Variants in HNF1B observed in about 807,000 individuals in gnomAD.
HNF1B encodes HNF1 homeobox B.
Under a neutral mutation model 61.7 loss-of-function variants are expected in HNF1B, and 8 were observed. The observed-to-expected ratio is 0.13, with a 90% CI of 0.08 to 0.23. The LOEUF is 0.23. Ranked by LOEUF, HNF1B falls within the 10% of genes least tolerant of loss-of-function variation. The pLI is 1.00. For missense variants in HNF1B, 562 were observed against 714.5 expected (o/e 0.79, Z 2.43); for synonymous variants, 314 against 287.7 (o/e 1.09, Z -0.93).
At chr17:37,730,715 G>A in intron 4 of HNF1B, 1 of 152,292 alleles carries the variant, frequency 6.6e-6, no homozygotes, top group Non-Finnish European at 1.5e-5. Context: ...CCTTTCGCAA[G>A]CCCTTTTCTT....
chr17:37,734,088 A>G (rs1443802309), intron 2 of HNF1B, among the ~76,000 whole-genome samples: 1 of 151,972 alleles, frequency 6.6e-6, no homozygotes, highest in African/African-American at 2.4e-5. Context: ...GAAAATTATT[A>G]TTTTTTCCCC....
intron 8 of HNF1B, 22 bp downstream of exon 8, chr17:37,699,054 C>T: frequency 1.3e-6 from 2 of 1,567,140 alleles, no homozygotes; most frequent in Non-Finnish European, 1.8e-6. Flanking sequence ...ACCCCAACCC[C>T]CGCAAATCCT....
At chr17:37,699,052 C>A (rs777113049) in intron 8 of HNF1B, 24 bp downstream of exon 8, 3 of 1,551,190 alleles carry the variant, frequency 1.9e-6, no homozygotes, top group South Asian at 2.2e-5. Context: ...ACACCCCAAC[C>A]CCCGCAAATC....
intron 4 of HNF1B, among the ~76,000 whole-genome samples, chr17:37,720,068 G>C (rs1467593761): frequency 1.3e-5 from 2 of 152,112 alleles, no homozygotes; most frequent in African/African-American, 4.8e-5. Flanking sequence ...CCAGGTGTTG[G>C]GCACTGAGAT....
chr17:37,714,505 T>C (rs3110631), intron 4 of HNF1B, among the ~76,000 whole-genome samples: 17,408 of 152,268 alleles, frequency 0.11, 1,277 homozygotes, highest in Non-Finnish European at 0.16. Flanking sequence ...ATTCACCTTC[T>C]ACTTACTTCC....
At position 37,710,477 on chromosome 17, in the gene HNF1B, AGCGACAATG is replaced by A. The variant is rs1265610665; in HGVS notation, c.1206+17_1206+25del. 6.2e-7 allele frequency: 1 copy of A among 1,613,888 alleles called. No homozygotes were observed. The highest frequency in any genetic ancestry group is 1.1e-5 in the South Asian group (1 of 91,084). ...TTGCCTCTTATCTTATCAGCTCCAG[AGCGACAATG>A]GCCCAGGTGTACTCACCATTTTACC... is the stretch of plus-strand genomic sequence containing the variant. On this transcript the variant is annotated intron_variant, in intron 5 of 8. Coordinates refer to ENST00000617811, the MANE Select transcript of HNF1B (RefSeq NM_000458.4).
At chr17:37,692,365 T>C (rs758878422) in intron 8 of HNF1B, among the ~76,000 whole-genome samples, 3 of 152,246 alleles carry the variant, frequency 2.0e-5, no homozygotes, top group African/African-American at 7.2e-5. Context: ...AGATGAACGT[T>C]GTTTAATGAG....
chr17:37,740,626 G>A (rs1274865847), intron 1 of HNF1B, among the ~76,000 whole-genome samples: 1 of 151,018 alleles, frequency 6.6e-6, no homozygotes, highest in African/African-American at 2.4e-5. Flanking sequence ...ACTGAGGTGA[G>A]GCAAGTAGTT....
chr17:37,710,771 C>T lies in HNF1B; in HGVS notation c.1046-108G>A, dbSNP rs1377749976. The T allele has an allele frequency of 2.8e-6, 3 of 1,073,856 alleles. 1 individual carries two copies. Among genetic ancestry groups the T allele is most frequent in the African/African-American group, 1.6e-5 (1 of 64,008 alleles). 66.5% of individuals were successfully genotyped at this position (1,073,856 alleles called of 1,614,324 possible). A position where few individuals can be genotyped will look rare whatever the true frequency, so the allele number is the denominator to read the frequency against. On this transcript the variant is annotated intron_variant, in intron 4 of 8. Coordinates refer to ENST00000617811, the MANE Select transcript of HNF1B (RefSeq NM_000458.4). ...GGTGGGTAATAAGAAAATAAAGTTG[C>T]TTTCTCCTCCCCTGTCCACCCACAA...
At chr17:37,690,683 A>T (rs1050556199) in intron 8 of HNF1B, among the ~76,000 whole-genome samples, 2 of 152,234 alleles carry the variant, frequency 1.3e-5, no homozygotes, top group African/African-American at 4.8e-5. Flanking sequence ...TCACTTGAAC[A>T]ACTGGTACCA....
At chr17:37,723,487 A>C (rs1419007768) in intron 4 of HNF1B, among the ~76,000 whole-genome samples, 1 of 152,130 alleles carries the variant, frequency 6.6e-6, no homozygotes, top group East Asian at 1.9e-4. Flanking sequence ...CCACCAATCC[A>C]TGGTCTTCCC....
chr17:37,704,812 G>A (rs925739702), intron 6 of HNF1B, 105 bp downstream of exon 6: 7 of 1,249,168 alleles, frequency 5.6e-6, no homozygotes, highest in East Asian at 2.3e-5. Flanking sequence ...TCTACTAGTC[G>A]TGGGTGAGTT....
chr17:37,723,378 A>G (rs555508646), intron 4 of HNF1B, among the ~76,000 whole-genome samples: 17 of 152,168 alleles, frequency 1.1e-4, no homozygotes, highest in African/African-American at 3.9e-4. Flanking sequence ...GAAAAAAGAA[A>G]AATGCCCTGT....
intron 1 of HNF1B, among the ~76,000 whole-genome samples, chr17:37,743,556 G>A (rs2034067903): frequency 6.6e-6 from 1 of 152,246 alleles, no homozygotes; most frequent in Admixed American, 6.5e-5. Context: ...TGCGGCCAAG[G>A]CTCAGCCCCG....
intron 8 of HNF1B, 131 bp from the exon 9 acceptor site, chr17:37,687,523 C>T: frequency 1.3e-6 from 1 of 751,268 alleles, no homozygotes; most frequent in South Asian, 1.4e-5. Flanking sequence ...GGCTGGGGGC[C>T]TCGTGTCTGC....
intron 1 of HNF1B, among the ~76,000 whole-genome samples, chr17:37,740,616 ACT>A (rs897638191): frequency 1.6e-4 from 25 of 151,912 alleles, no homozygotes; most frequent in African/African-American, 5.8e-4. Flanking sequence ...GGATCACACC[ACT>A]GAGGTGAGGC....
chr17:37,741,454 G>C (rs780551293), intron 1 of HNF1B, among the ~76,000 whole-genome samples: 3 of 151,966 alleles, frequency 2.0e-5, no homozygotes, highest in East Asian at 1.9e-4. Flanking sequence ...GTAACAAGAA[G>C]AACAAAAAAT....
At position 37,733,643 on chromosome 17, in the gene HNF1B, C is replaced by T. The variant is rs768490293; in HGVS notation, c.723G>A (p.Ala241=). 35 of 1,613,990 alleles carry T rather than the reference C, an allele frequency of 2.2e-5. No individual in the cohort carries two copies. Among genetic ancestry groups the T allele is most frequent in the Non-Finnish European group, 2.9e-5 (34 of 1,180,032 alleles). ...MRRNRFKWGP[A]SQQILYQAYD... is the part of the protein sequence containing the mutation. The stretch of plus-strand genomic sequence containing the variant: ...AGGCCTGGTACAAGATTTGCTGGGA[C>T]GCGGGCCCCCATTTGAACCGGTTGC... The change falls in exon 3 of 9, where the codon GCG becomes GCA. Residue 241 remains alanine (A), a synonymous_variant. Transcript: ENST00000617811.
At chr17:37,733,919 C>T (rs2033763397) in intron 2 of HNF1B, 98 bp from the exon 3 acceptor site, 2 of 1,415,748 alleles carry the variant, frequency 1.4e-6, no homozygotes, top group African/African-American at 2.8e-5. Flanking sequence ...ACCTTTATTC[C>T]CCTCGTCTAA....
Sources: allele counts gnomAD v4.1 joint callset (sites outside exome capture counted in the v4.1 genomes callset), GRCh38; gene constraint gnomAD v4.1.1; transcripts MANE v1.5; gene names NCBI Gene and HGNC (gene_info 2026-07-23, HGNC 2026-07-21).